Variants in CSMD3 observed in about 807,000 individuals in gnomAD.
CSMD3 encodes the protein CUB and Sushi multiple domains 3.
Under a neutral mutation model 435.2 loss-of-function variants are expected in CSMD3, and 177 were observed. That is an observed-to-expected ratio of 0.41 (90% CI 0.36 to 0.46). The LOEUF is 0.46. CSMD3 is among the 20% of genes least tolerant of loss of function. The pLI, the probability that CSMD3 is intolerant of heterozygous loss-of-function variation, is 0.34. For synonymous variants in CSMD3, 1,656 were observed against 1,520.5 expected (o/e 1.09, Z -2.07); for missense variants, 4,265 against 4,504.6 (o/e 0.95, Z 1.52).
At chr8:112,597,044 CA>C (rs1213815798) in intron 22 of CSMD3, among the ~76,000 whole-genome samples, 2 of 152,050 alleles carry the variant, frequency 1.3e-5, no homozygotes, top group African/African-American at 4.8e-5. Context: ...AATAGAGACA[CA>C]AAAAAGTCTT....
chr8:112,754,436 C>T (rs1338445085), intron 13 of CSMD3, among the ~76,000 whole-genome samples: 1 of 151,598 alleles, frequency 6.6e-6, no homozygotes, highest in African/African-American at 2.4e-5. Context: ...ATCATGGAGG[C>T]TTTTATTATT....
At chr8:112,675,492 G>T (rs2075752018) in intron 16 of CSMD3, among the ~76,000 whole-genome samples, 1 of 152,076 alleles carries the variant, frequency 6.6e-6, no homozygotes, top group African/African-American at 2.4e-5. Context: ...ATCAAAGGGG[G>T]CACTGCTGAC....
At chr8:112,371,327 T>A (rs1018558009) in intron 38 of CSMD3, among the ~76,000 whole-genome samples, 1 of 152,164 alleles carries the variant, frequency 6.6e-6, no homozygotes, top group Non-Finnish European at 1.5e-5. Flanking sequence ...GAATACGACA[T>A]CTCAAACAGT....
At chr8:113,068,401 G>T (rs2088955788) in intron 5 of CSMD3, among the ~76,000 whole-genome samples, 1 of 152,130 alleles carries the variant, frequency 6.6e-6, no homozygotes, top group Non-Finnish European at 1.5e-5. Context: ...AAATGTTGCT[G>T]TGATTGGTCA....
intron 27 of CSMD3, among the ~76,000 whole-genome samples, chr8:112,531,722 T>A (rs1159080178): frequency 6.6e-6 from 1 of 152,160 alleles, no homozygotes; most frequent in Non-Finnish European, 1.5e-5. Flanking sequence ...CCTATTTGAA[T>A]TTTTGAAATG....
chr8:112,385,652 A>G (rs1005279736), intron 36 of CSMD3, among the ~76,000 whole-genome samples: 7 of 152,208 alleles, frequency 4.6e-5, no homozygotes, highest in Admixed American at 4.6e-4. Flanking sequence ...AGTAGTAAAA[A>G]TGGGAACCCA....
intron 61 of CSMD3, 128 bp from the exon 62 acceptor site, chr8:112,255,555 C>G: frequency 1.2e-6 from 1 of 818,658 alleles, no homozygotes; most frequent in Admixed American, 2.5e-5. Flanking sequence ...TAAAGCTATC[C>G]CAATGAAAAA....
chr8:112,855,598 T>C (rs1023249212), intron 11 of CSMD3, among the ~76,000 whole-genome samples: 1 of 152,026 alleles, frequency 6.6e-6, no homozygotes, highest in Middle Eastern at 3.4e-3. Context: ...AAAAAATAGA[T>C]GGATGGATGA....
Position 113,401,043 on chromosome 8 carries a change from T to A in CSMD3, c.178+35634A>T, listed in dbSNP as rs1588665416. Among the ~76,000 whole-genome samples the A allele has an allele frequency of 4.0e-5, 6 of 151,864 alleles. No individual in the cohort carries two copies. The Middle Eastern group carries it at 0.017, about 430-fold the overall frequency. ...TTGTAAAACAGTAGAAATATAATGT[T>A]ACCCTAACCATTTAGAGAAGAGCAG... On this transcript the variant is annotated intron_variant, in intron 1 of 70. Transcript: ENST00000297405.
At chr8:112,408,793 G>T in intron 33 of CSMD3, 126 bp downstream of exon 33, 2 of 1,444,166 alleles carry the variant, frequency 1.4e-6, no homozygotes, top group Admixed American at 2.2e-5. Flanking sequence ...AAAAAAAAAA[G>T]GTGACACTAT....
At chr8:113,228,082 T>C (rs542830352) in intron 3 of CSMD3, among the ~76,000 whole-genome samples, 2 of 151,722 alleles carry the variant, frequency 1.3e-5, no homozygotes, top group South Asian at 4.1e-4. Flanking sequence ...TTTGGTATAT[T>C]TTTATGTTGG....
At chr8:112,747,515 T>C (rs1161172979) in intron 13 of CSMD3, among the ~76,000 whole-genome samples, 1 of 152,098 alleles carries the variant, frequency 6.6e-6, no homozygotes, top group Non-Finnish European at 1.5e-5. Flanking sequence ...ATGGGAGTGA[T>C]GGTGGTATAG....
chr8:112,506,564 C>T, intron 29 of CSMD3, 127 bp downstream of exon 29: 1 of 895,586 alleles, frequency 1.1e-6, no homozygotes, highest in Non-Finnish European at 1.8e-6. Flanking sequence ...ACTATTAGCA[C>T]TGGGATAAGT....
Position 112,510,614 on chromosome 8 carries a change from C to T in CSMD3, c.4757-3785G>A, listed in dbSNP as rs150050889. Among the ~76,000 whole-genome samples the T allele has an allele frequency of 3.6e-3, 541 of 152,192 alleles. 1 individual carries two copies. Among genetic ancestry groups the T allele is most frequent in the African/African-American group, 0.012 (518 of 41,544 alleles). On this transcript the variant is annotated intron_variant, in intron 28 of 70. Transcript: ENST00000297405. ...TAGTAACCTCTGCCAATCTCTGTTGCTTCTCTTATTGTATTTGTTTTTAAT... is the reference window on the plus strand; with the variant it reads ...TAGTAACCTCTGCCAATCTCTGTTGTTTCTCTTATTGTATTTGTTTTTAAT...
At chr8:112,815,733 G>A (rs768302111) in intron 12 of CSMD3, among the ~76,000 whole-genome samples, 15 of 152,054 alleles carry the variant, frequency 9.9e-5, no homozygotes, top group Non-Finnish European at 1.8e-4. Context: ...CAAAACAGAA[G>A]TAAACCCTTT....
intron 22 of CSMD3, among the ~76,000 whole-genome samples, chr8:112,606,733 G>GCT (rs1311659039): frequency 3.4e-4 from 52 of 151,844 alleles, no homozygotes; most frequent in African/African-American, 1.2e-3. Context: ...GGTAACAGGA[G>GCT]GAAAACTAGA....
chr8:112,638,903 AC>A lies in CSMD3; in HGVS notation c.3318del (p.Gln1106HisfsTer17). ...TCCAAATGAAAAGTGTGGAAGTTGA[AC>A]TGCACACCTATTAAGAAAAATAGAA... ...TVDVTHGKGV[Q>X]FNFHTFHLED... is the part of the protein sequence containing the mutation. On this transcript the variant is annotated frameshift_variant, in exon 21 of 71. Coordinates refer to ENST00000297405, the MANE Select transcript of CSMD3 (RefSeq NM_198123.2). LOFTEE classifies it high-confidence loss of function. 1 of 1,606,212 alleles carries A rather than the reference AC, an allele frequency of 6.2e-7. No individual in the cohort carries two copies. The highest frequency in any genetic ancestry group is 8.5e-7 in the Non-Finnish European group (1 of 1,173,044).
chr8:112,719,264 T>C (rs189190650), intron 13 of CSMD3, among the ~76,000 whole-genome samples: 2 of 152,282 alleles, frequency 1.3e-5, no homozygotes, highest in African/African-American at 4.8e-5. Context: ...ATGACTATTT[T>C]CCAGAAGATA....
chr8:112,893,811 T>C (rs960016108), intron 10 of CSMD3, among the ~76,000 whole-genome samples: 3 of 151,514 alleles, frequency 2.0e-5, no homozygotes, highest in African/African-American at 7.3e-5. Context: ...TTTCTGTTCC[T>C]GTGTACTGTA....
Sources: gnomAD v4.1 joint callset for allele counts (sites outside exome capture counted in the v4.1 genomes callset) on GRCh38, gnomAD v4.1.1 for gene constraint, MANE v1.5 for transcripts, NCBI Gene and HGNC (gene_info 2026-07-23, HGNC 2026-07-21) for gene names.